The following AR variants were observed in gnomAD, a reference collection of about 807,000 sequenced individuals.
AR encodes the protein androgen receptor, also known as dihydrotestosterone receptor.
In AR, 8 loss-of-function variants were observed where a neutral mutation model predicts 53.9. The observed-to-expected ratio is 0.15, with a 90% CI of 0.09 to 0.27. The LOEUF is 0.27. Ranked by LOEUF, AR falls within the 10% of genes least tolerant of loss-of-function variation. AR has a pLI of 1.00. For missense variants in AR, 639 were observed against 742.5 expected (o/e 0.86, Z 1.62); for synonymous variants, 359 against 316.4 (o/e 1.13, Z -1.43).
chrX:67,717,640 C>T lies in AR; in HGVS notation c.2318+18C>T, dbSNP rs1466240006. On this transcript the variant is annotated intron_variant, in intron 5 of 7. Coordinates refer to ENST00000374690, the MANE Select transcript of AR (RefSeq NM_000044.6). ...TTCAATGAGTAAGTGCTCCTGGGGC[C>T]CAGACCTCACTAAAATACAGCAGCT... 11 of 1,211,518 alleles carry T rather than the reference C, an allele frequency of 9.1e-6. No homozygotes were observed. The highest frequency in any genetic ancestry group is 1.2e-5 in the Non-Finnish European group (11 of 895,173).
chrX:67,706,442 T>G (rs1378076167), intron 3 of AR, among the ~76,000 whole-genome samples: 1 of 112,148 alleles, frequency 8.9e-6, no homozygotes, highest in Non-Finnish European at 1.9e-5. Flanking sequence ...CATAGAGGTA[T>G]TTATAGTATT....
intron 1 of AR, among the ~76,000 whole-genome samples, chrX:67,576,945 G>T (rs768604515): frequency 9.2e-6 from 1 of 108,231 alleles, no homozygotes; most frequent in Admixed American, 9.9e-5. Context: ...TAAAATGTAC[G>T]TACCATAAAG....
At chrX:67,689,839 GA>G in intron 3 of AR, 1 of 489,782 alleles carries the variant, frequency 2.0e-6, no homozygotes, top group Middle Eastern at 1.1e-3. Flanking sequence ...CCATAGTTAG[GA>G]TAAATGTAAA....
At position 67,711,387 on chromosome X, in the gene AR, C is replaced by A. The variant is rs776044737; in HGVS notation, c.1886-15C>A. 8.5e-7 allele frequency: 1 copy of A among 1,180,307 alleles called. No homozygotes were observed. Among genetic ancestry groups the A allele is most frequent in the East Asian group, 3.1e-5 (1 of 32,107 alleles). ...CCACTGATGATAAATTCAAGTCTCT[C>A]TTCCTTCCCAATAGCCCGGAAGCTG... On this transcript the variant is annotated splice_polypyrimidine_tract_variant and intron_variant, in intron 3 of 7. Coordinates refer to ENST00000374690, the MANE Select transcript of AR (RefSeq NM_000044.6).
chrX:67,718,844 G>T (rs778685365), intron 5 of AR, among the ~76,000 whole-genome samples: 82 of 111,586 alleles, frequency 7.3e-4, no homozygotes, highest in Admixed American at 1.1e-3. Context: ...ATGTTAGCCA[G>T]GCTGGTCTCA....
Position 67,721,932 on chromosome X carries a change from G to C in AR, c.2418G>C (p.Leu806=), listed in dbSNP as rs2147535963. Residue 806 remains leucine (L), a synonymous_variant, in exon 6 of 8, where the codon CTG becomes CTC. Coordinates refer to ENST00000374690, the MANE Select transcript of AR (RefSeq NM_000044.6). ...GWLQITPQEF[L]CMKALLLFSI... is the part of the protein sequence containing the mutation. ...TCCAAATCACCCCCCAGGAATTCCT[G>C]TGCATGAAAGCACTGCTACTCTTCA... 1 of 1,211,327 alleles carries C rather than the reference G, an allele frequency of 8.3e-7. No individual in the cohort carries two copies. Among genetic ancestry groups the C allele is most frequent in the Non-Finnish European group, 1.1e-6 (1 of 895,417 alleles).
intron 2 of AR, among the ~76,000 whole-genome samples, chrX:67,672,044 T>G (rs908033498): frequency 1.2e-4 from 13 of 111,156 alleles, no homozygotes; most frequent in African/African-American, 2.9e-4. Flanking sequence ...GCACTGGTTT[T>G]CAAAGGGAAT....
At chrX:67,723,312 C>CTGTGTGTGTGTGTGTG (rs796606484) in intron 7 of AR, among the ~76,000 whole-genome samples, 5 of 78,020 alleles carry the variant, frequency 6.4e-5, no homozygotes, top group African/African-American at 2.7e-4. Context: ...GTTTGTCTGT[C>CTGTGTGTGTGTGTGTG]TGTGTGTGTG....
chrX:67,586,391 C>A (rs1922548923), intron 1 of AR, among the ~76,000 whole-genome samples: 1 of 111,829 alleles, frequency 8.9e-6, no homozygotes, highest in Non-Finnish European at 1.9e-5. Context: ...CCTTTTTTCA[C>A]CTGGAAACAT....
rs952826831 is a variant in AR at position 67,670,326 on chromosome X, A to T, written c.1769-15684A>T. Among the ~76,000 whole-genome samples, 9 of 95,957 alleles carry T rather than the reference A, an allele frequency of 9.4e-5. No individual in the cohort carries two copies. The East Asian group carries it at 2.0e-3, about 22-fold the overall frequency. The allele number at this position is 95,957 out of a possible 115,157, so 83.3% of individuals were successfully genotyped here. On this transcript the variant is annotated intron_variant, in intron 2 of 7. Coordinates refer to ENST00000374690, the MANE Select transcript of AR (RefSeq NM_000044.6). ...CACTTGTGCCCCCAAAACTAATGAAATTTTTTAAAAAATAATAATTGTTCT... is the reference window on the plus strand; with the variant it reads ...CACTTGTGCCCCCAAAACTAATGAATTTTTTTAAAAAATAATAATTGTTCT...
chrX:67,699,548 C>A (rs1161862702), intron 3 of AR, among the ~76,000 whole-genome samples: 1 of 111,719 alleles, frequency 9.0e-6, no homozygotes, highest in East Asian at 2.8e-4. Context: ...AGGTCAGGTA[C>A]ATCAAGAATA....
intron 1 of AR, among the ~76,000 whole-genome samples, chrX:67,634,322 C>G (rs1288251389): frequency 1.8e-5 from 2 of 111,726 alleles, no homozygotes; most frequent in Non-Finnish European, 3.8e-5. Flanking sequence ...CTACCACTTT[C>G]TCATAATATT....
At chrX:67,714,631 CAG>C in intron 4 of AR, among the ~76,000 whole-genome samples, 1 of 112,211 alleles carries the variant, frequency 8.9e-6, no homozygotes, top group East Asian at 2.8e-4. Context: ...AGTGAGAAAA[CAG>C]AGTCTCAAAG....
chrX:67,580,092 C>G (rs1922225553), intron 1 of AR, among the ~76,000 whole-genome samples: 1 of 109,199 alleles, frequency 9.2e-6, no homozygotes, highest in Non-Finnish European at 1.9e-5. Context: ...TTGTCAGATC[C>G]TGCTCCCCAA....
chrX:67,651,387 C>G (rs1926336983), intron 2 of AR, among the ~76,000 whole-genome samples: 1 of 110,854 alleles, frequency 9.0e-6, no homozygotes, highest in Non-Finnish European at 1.9e-5. Context: ...ATCTGCTGTC[C>G]TTTTGAACTT....
chrX:67,681,367 C>T (rs1195537570), intron 2 of AR, among the ~76,000 whole-genome samples: 1 of 111,628 alleles, frequency 9.0e-6, no homozygotes, highest in Non-Finnish European at 1.9e-5. Flanking sequence ...CACTTGAATA[C>T]AGAGAAGGGA....
At chrX:67,651,011 G>C (rs1217266331) in intron 2 of AR, among the ~76,000 whole-genome samples, 1 of 110,735 alleles carries the variant, frequency 9.0e-6, no homozygotes, top group Non-Finnish European at 1.9e-5. Context: ...CTGCTTCCAG[G>C]AGGTTATAGC....
At chrX:67,661,489 T>C (rs1182355694) in intron 2 of AR, among the ~76,000 whole-genome samples, 1 of 111,960 alleles carries the variant, frequency 8.9e-6, no homozygotes, top group East Asian at 2.8e-4. Context: ...TTTTTGTCGT[T>C]GGTTCTGTTT....
At position 67,546,534 on chromosome X, in the gene AR, G is replaced by C; in HGVS notation, c.1388G>C (p.Gly463Ala). ...GGTGGTGGCGGCGGCGGCGGCGGCG[G>C]CGGCGGCGGCGGCGGCGGCGGCGGC... The part of the protein sequence containing the change: ...GGGGGGGGGG[G>A]GGGGGGGGGG... Residue 463 changes from glycine (G) to alanine (A), a missense_variant, in exon 1 of 8, where the codon GGC (glycine) becomes GCC (alanine). By Grantham distance (60) the Gly-to-Ala change is moderately conservative. Coordinates refer to ENST00000374690, the MANE Select transcript of AR (RefSeq NM_000044.6). The C allele has an allele frequency of 1.2e-6, 1 of 858,183 alleles. No individual in the cohort carries two copies. The highest frequency in any genetic ancestry group is 5.6e-5 in the East Asian group (1 of 18,004). The allele number at this position is 858,183 out of a possible 1,213,427, so 70.7% of individuals were successfully genotyped here. A position where few individuals can be genotyped will look rare whatever the true frequency, so the allele number is the denominator to read the frequency against.
Sources: gnomAD v4.1 joint callset for allele counts (sites outside exome capture counted in the v4.1 genomes callset) on GRCh38, gnomAD v4.1.1 for gene constraint, MANE v1.5 for transcripts, NCBI Gene and HGNC (gene_info 2026-07-23, HGNC 2026-07-21) for gene names.